GRM7: variants seen among roughly 807,000 people sequenced by gnomAD.
GRM7 encodes the protein metabotropic glutamate receptor 7.
A neutral mutation model predicts 84.5 loss-of-function variants in GRM7; 35 were observed. That is an observed-to-expected ratio of 0.41 (90% confidence interval 0.32 to 0.55). The LOEUF (loss-of-function observed/expected upper bound fraction) is 0.55, where lower values mean the gene tolerates loss of function less well. Among genes scored for constraint, GRM7 ranks in the 20% least tolerant of loss-of-function variants. The probability of loss-of-function intolerance (pLI) is 0.19; values close to 1 mark genes in which losing one functional copy is unlikely to be tolerated. For missense variants in GRM7, 1,003 were observed against 1,194.6 expected (o/e 0.84, Z 2.36); for synonymous variants, 487 against 455.1 (o/e 1.07, Z -0.89).
At chr3:7,663,557 C>A (rs1359585462) in intron 8 of GRM7, among the ~76,000 whole-genome samples, 2 of 152,168 alleles carry the variant, frequency 1.3e-5, no homozygotes, top group East Asian at 3.8e-4. Context: ...ATATATTGTT[C>A]ATGCTTTTTA....
At chr3:7,163,008 C>T (rs557511895) in intron 2 of GRM7, among the ~76,000 whole-genome samples, 2 of 152,026 alleles carry the variant, frequency 1.3e-5, no homozygotes, top group Admixed American at 6.5e-5. Flanking sequence ...GGTCCTCCCA[C>T]CTTGGCCTCT....
At chr3:6,971,877 TAA>T (rs1693772298) in intron 1 of GRM7, among the ~76,000 whole-genome samples, 2 of 152,198 alleles carry the variant, frequency 1.3e-5, no homozygotes, top group Non-Finnish European at 2.9e-5. Flanking sequence ...TTATTAAAAC[TAA>T]AAGTAAAGCT....
At chr3:7,484,250 G>A (rs764556794) in intron 7 of GRM7, among the ~76,000 whole-genome samples, 5 of 152,140 alleles carry the variant, frequency 3.3e-5, no homozygotes, top group African/African-American at 4.8e-5. Context: ...GTCAGGTCTT[G>A]TTGGACAGAA....
intron 4 of GRM7, among the ~76,000 whole-genome samples, chr3:7,315,420 G>C (rs972407161): frequency 6.6e-6 from 1 of 152,176 alleles, no homozygotes; most frequent in Non-Finnish European, 1.5e-5. Context: ...TATATTGCAT[G>C]CCTCAACTTT....
intron 2 of GRM7, among the ~76,000 whole-genome samples, chr3:7,255,898 G>A (rs1290645843): frequency 1.3e-5 from 2 of 152,162 alleles, no homozygotes; most frequent in African/African-American, 4.8e-5. Context: ...TCTCCAGGAA[G>A]TAGCACAGCT....
At chr3:7,356,025 T>A (rs1693381932) in intron 4 of GRM7, among the ~76,000 whole-genome samples, 1 of 152,036 alleles carries the variant, frequency 6.6e-6, no homozygotes, top group African/African-American at 2.4e-5. Flanking sequence ...TGAAGGGAAG[T>A]CTTCCCCATA....
At chr3:7,024,703 G>T (rs557208330) in intron 1 of GRM7, among the ~76,000 whole-genome samples, 1 of 152,332 alleles carries the variant, frequency 6.6e-6, no homozygotes, top group Admixed American at 6.5e-5. Flanking sequence ...GTTGAGCCTA[G>T]AAGGGGCTGC....
At chr3:7,001,214 G>T (rs1400809774) in intron 1 of GRM7, among the ~76,000 whole-genome samples, 2 of 152,114 alleles carry the variant, frequency 1.3e-5, no homozygotes, top group Non-Finnish European at 2.9e-5. Flanking sequence ...TCTGGGCATG[G>T]TGGTACATGC....
chr3:7,467,134 C>T (rs772243509), intron 7 of GRM7, among the ~76,000 whole-genome samples: 2 of 152,124 alleles, frequency 1.3e-5, no homozygotes, highest in Non-Finnish European at 2.9e-5. Context: ...GTCGCCCGGG[C>T]TGGAGTGCAG....
intron 1 of GRM7, among the ~76,000 whole-genome samples, chr3:7,069,170 G>C (rs1356625641): frequency 1.3e-5 from 2 of 151,884 alleles, no homozygotes; most frequent in African/African-American, 4.8e-5. Context: ...CAAGTTTCAG[G>C]CAGGTTAAGA....
At chr3:7,523,827 GAGA>G (rs1438521765) in intron 7 of GRM7, among the ~76,000 whole-genome samples, 2 of 152,112 alleles carry the variant, frequency 1.3e-5, no homozygotes, top group African/African-American at 4.8e-5. Flanking sequence ...CGGGGATGGG[GAGA>G]AGAAGGATTC....
chr3:6,923,025 C>CT (rs200884887), intron 1 of GRM7, among the ~76,000 whole-genome samples: 13,127 of 151,630 alleles, frequency 0.087, 644 homozygotes, highest in Middle Eastern at 0.12. Context: ...TTATCTTTTT[C>CT]TTTTTTTTGC....
chr3:7,050,937 T>C (rs905524103), intron 1 of GRM7, among the ~76,000 whole-genome samples: 11 of 151,898 alleles, frequency 7.2e-5, no homozygotes, highest in African/African-American at 2.7e-4. Context: ...GTTTTGTACT[T>C]GGTTAAATAT....
intron 1 of GRM7, among the ~76,000 whole-genome samples, chr3:6,902,133 C>G (rs1696408485): frequency 6.6e-6 from 1 of 152,158 alleles, no homozygotes; most frequent in South Asian, 2.1e-4. Context: ...TTCACTTCAA[C>G]CAGACCACCC....
chr3:7,622,126 A>G (rs915623701), intron 8 of GRM7, among the ~76,000 whole-genome samples: 4 of 152,178 alleles, frequency 2.6e-5, no homozygotes, highest in Non-Finnish European at 4.4e-5. Flanking sequence ...TCGCCATTCC[A>G]GGGCTATTCC....
chr3:7,252,705 TG>T (rs1452697095), intron 2 of GRM7, among the ~76,000 whole-genome samples: 1 of 151,898 alleles, frequency 6.6e-6, no homozygotes, highest in East Asian at 1.9e-4. Context: ...TTTTCTTTAC[TG>T]TGAGATGGAG....
intron 1 of GRM7, among the ~76,000 whole-genome samples, chr3:6,946,869 A>G (rs1385673125): frequency 1.3e-5 from 2 of 152,194 alleles, no homozygotes; most frequent in African/African-American, 4.8e-5. Context: ...TTATTGCTGT[A>G]TAAGAAAGCT....
chr3:7,327,259 G>T (rs915440339), intron 4 of GRM7, among the ~76,000 whole-genome samples: 2 of 152,088 alleles, frequency 1.3e-5, no homozygotes, highest in Non-Finnish European at 2.9e-5. Context: ...GGCTCCAAGT[G>T]AATATTCATG....
intron 9 of GRM7, among the ~76,000 whole-genome samples, chr3:7,737,115 A>T (rs1702528989): frequency 6.6e-6 from 1 of 152,210 alleles, no homozygotes; most frequent in African/African-American, 2.4e-5. Flanking sequence ...AAGACAAAAA[A>T]GCTCAGAGAA....
Sources: allele counts gnomAD v4.1 joint callset (sites outside exome capture counted in the v4.1 genomes callset), GRCh38; gene constraint gnomAD v4.1.1; transcripts MANE v1.5; gene names NCBI Gene and HGNC (gene_info 2026-07-23, HGNC 2026-07-21).